Variants in FER observed in about 807,000 individuals in gnomAD.
FER encodes FER tyrosine kinase.
FER carries 63 observed loss-of-function variants against 111.0 expected under a neutral mutation model. The ratio of observed to expected loss-of-function variants is 0.57; its 90% CI spans 0.46 to 0.70. The LOEUF is 0.70. Ranked by LOEUF, FER falls within the 30% of genes least tolerant of loss-of-function variation. The pLI is 0.00. For missense variants in FER, 914 were observed against 954.0 expected, an observed-to-expected ratio of 0.96 and a Z score of 0.55; for synonymous variants, 327 against 313.9, an observed-to-expected ratio of 1.04 and a Z score of -0.44.
At chr5:109,045,078 G>A (rs1341341675) in intron 15 of FER, among the ~76,000 whole-genome samples, 3 of 151,738 alleles carry the variant, frequency 2.0e-5, no homozygotes, top group African/African-American at 7.3e-5. Context: ...GCAATACTGT[G>A]CTTATGATAA....
At chr5:108,761,426 T>C (rs1002489689) in intron 1 of FER, among the ~76,000 whole-genome samples, 26 of 152,132 alleles carry the variant, frequency 1.7e-4, no homozygotes, top group Non-Finnish European at 8.8e-5. Context: ...GGCTGGTCAG[T>C]AGAGCAGTCA....
chr5:109,007,118 A>G (rs1451824649), intron 13 of FER, among the ~76,000 whole-genome samples: 2 of 152,168 alleles, frequency 1.3e-5, no homozygotes, highest in African/African-American at 4.8e-5. Flanking sequence ...ATGATTTAAA[A>G]AGTTTTAATT....
intron 10 of FER, among the ~76,000 whole-genome samples, chr5:108,916,974 T>G (rs1249989374): frequency 6.6e-6 from 1 of 152,156 alleles, no homozygotes; most frequent in East Asian, 1.9e-4. Context: ...TTTGATCAGT[T>G]AGCATTTTCT....
At chr5:108,954,630 G>A in intron 11 of FER, 99 bp from the exon 12 acceptor site, 1 of 895,688 alleles carries the variant, frequency 1.1e-6, no homozygotes, top group Admixed American at 3.2e-5. Flanking sequence ...ATTAAAGGGA[G>A]GAACATTTGT....
chr5:109,025,651 C>A (rs1157693228), intron 13 of FER, among the ~76,000 whole-genome samples: 1 of 151,384 alleles, frequency 6.6e-6, no homozygotes, highest in African/African-American at 2.4e-5. Context: ...GAACTTCCAA[C>A]ACTATGTTGA....
At chr5:109,085,695 G>T (rs971206816) in intron 16 of FER, among the ~76,000 whole-genome samples, 1 of 151,618 alleles carries the variant, frequency 6.6e-6, no homozygotes, top group African/African-American at 2.4e-5. Flanking sequence ...TTCTCCATAG[G>T]TGTTCCTTTT....
At chr5:108,867,126 T>A (rs561644854) in intron 5 of FER, among the ~76,000 whole-genome samples, 2 of 152,142 alleles carry the variant, frequency 1.3e-5, no homozygotes, top group Non-Finnish European at 2.9e-5. Context: ...CACTCAATAT[T>A]GCAGTTCACA....
At chr5:108,866,906 A>G (rs1174428046) in intron 5 of FER, among the ~76,000 whole-genome samples, 1 of 152,198 alleles carries the variant, frequency 6.6e-6, no homozygotes, top group East Asian at 1.9e-4. Flanking sequence ...CTAAATGACT[A>G]GTAAAGGAAC....
chr5:108,837,699 A>G (rs540709484), intron 5 of FER, among the ~76,000 whole-genome samples: 20 of 152,178 alleles, frequency 1.3e-4, no homozygotes, highest in Non-Finnish European at 2.9e-5. Flanking sequence ...GCAAAATCTA[A>G]TTCTGATGTC....
At chr5:109,134,772 G>A (rs1473980519) in intron 17 of FER, among the ~76,000 whole-genome samples, 1 of 152,094 alleles carries the variant, frequency 6.6e-6, no homozygotes, top group Non-Finnish European at 1.5e-5. Flanking sequence ...ATTGAAACAA[G>A]TGCACTCATA....
intron 6 of FER, among the ~76,000 whole-genome samples, chr5:108,869,550 A>T (rs1454875915): frequency 6.6e-6 from 1 of 152,104 alleles, no homozygotes; most frequent in Non-Finnish European, 1.5e-5. Flanking sequence ...TTATAAGAAG[A>T]CGGGAGGAAG....
intron 17 of FER, among the ~76,000 whole-genome samples, chr5:109,140,306 C>T (rs1582216346): frequency 6.6e-6 from 1 of 152,134 alleles, no homozygotes; most frequent in East Asian, 1.9e-4. Flanking sequence ...CATATCCTTT[C>T]TGAAGCACCA....
chr5:108,934,529 C>A (rs952108350), intron 10 of FER, among the ~76,000 whole-genome samples: 1 of 152,042 alleles, frequency 6.6e-6, no homozygotes, highest in African/African-American at 2.4e-5. Flanking sequence ...GAGTTCGTTG[C>A]TTTTTAAAAT....
intron 11 of FER, among the ~76,000 whole-genome samples, chr5:108,952,322 T>C (rs1757866607): frequency 7.2e-6 from 1 of 139,846 alleles, no homozygotes; most frequent in South Asian, 2.6e-4. Context: ...TGCTGATGCA[T>C]CCTACATATA....
intron 13 of FER, among the ~76,000 whole-genome samples, chr5:108,991,834 G>A (rs947723162): frequency 6.7e-6 from 1 of 150,206 alleles, no homozygotes; most frequent in Non-Finnish European, 1.5e-5. Context: ...CTTTGGCTGA[G>A]TAATTCTATT....
chr5:109,166,866 A>G (rs551981466), intron 17 of FER, among the ~76,000 whole-genome samples: 27 of 152,262 alleles, frequency 1.8e-4, no homozygotes, highest in Non-Finnish European at 3.7e-4. Flanking sequence ...TGTTCCAGAA[A>G]GACAAAAGTT....
chr5:108,776,389 A>G (rs1198746426), intron 2 of FER, among the ~76,000 whole-genome samples: 1 of 152,138 alleles, frequency 6.6e-6, no homozygotes, highest in Non-Finnish European at 1.5e-5. Context: ...AATTTAGGCA[A>G]TTTATTACTA....
chr5:108,950,863 C>T (rs1757634264), intron 11 of FER, among the ~76,000 whole-genome samples: 1 of 152,076 alleles, frequency 6.6e-6, no homozygotes, highest in African/African-American at 2.4e-5. Flanking sequence ...CAGGCACATT[C>T]GGTAGACTAG....
intron 5 of FER, among the ~76,000 whole-genome samples, chr5:108,861,390 G>A (rs1014393568): frequency 6.6e-6 from 1 of 152,092 alleles, no homozygotes; most frequent in Non-Finnish European, 1.5e-5. Context: ...ATGATATGTT[G>A]TTTATGCATT....
Sources: gnomAD v4.1 joint callset for allele counts (sites outside exome capture counted in the v4.1 genomes callset) on GRCh38, gnomAD v4.1.1 for gene constraint, MANE v1.5 for transcripts, NCBI Gene and HGNC (gene_info 2026-07-23, HGNC 2026-07-21) for gene names.